CDH10: variants seen among roughly 807,000 people sequenced by gnomAD.
CDH10 encodes the protein cadherin 10.
Under a neutral mutation model 73.1 loss-of-function variants are expected in CDH10, and 30 were observed. The observed-to-expected ratio is 0.41, with a 90% CI of 0.31 to 0.56. The LOEUF (loss-of-function observed/expected upper bound fraction) is 0.56. Among genes scored for constraint, CDH10 ranks in the 20% least tolerant of loss-of-function variants. The pLI is 0.27. For synonymous variants in CDH10, 345 were observed against 348.2 expected (o/e 0.99, Z 0.10); for missense variants, 815 against 973.7 (o/e 0.84, Z 2.17).
At chr5:24,534,756 C>G (rs1486401073) in intron 5 of CDH10, among the ~76,000 whole-genome samples, 1 of 152,016 alleles carries the variant, frequency 6.6e-6, no homozygotes, top group Non-Finnish European at 1.5e-5. Context: ...GAAACAGAAA[C>G]AAACATATTT....
intron 2 of CDH10, among the ~76,000 whole-genome samples, chr5:24,540,675 T>C (rs1744120103): frequency 6.6e-6 from 1 of 151,928 alleles, no homozygotes; most frequent in African/African-American, 2.4e-5. Context: ...TACAGTTTGA[T>C]CCTAAGACGA....
chr5:24,612,191 T>A (rs1241086979), intron 1 of CDH10: 1 of 152,196 alleles, frequency 6.6e-6, no homozygotes, highest in Non-Finnish European at 1.5e-5. Context: ...GATATCTTTT[T>A]CTTTTAATAA....
chr5:24,555,542 G>C (rs1041256986), intron 2 of CDH10, among the ~76,000 whole-genome samples: 1 of 152,062 alleles, frequency 6.6e-6, no homozygotes, highest in Non-Finnish European at 1.5e-5. Context: ...CGTTCATGGG[G>C]GTGATGTGGC....
chr5:24,600,555 A>G (rs1468826662), intron 1 of CDH10, among the ~76,000 whole-genome samples: 1 of 152,052 alleles, frequency 6.6e-6, no homozygotes, highest in Non-Finnish European at 1.5e-5. Flanking sequence ...GGAGGAAACC[A>G]CATCCTACCT....
intron 7 of CDH10, 49 bp from the exon 8 acceptor site, chr5:24,505,297 T>C: frequency 6.5e-7 from 1 of 1,546,216 alleles, no homozygotes; most frequent in Non-Finnish European, 8.9e-7. Flanking sequence ...ATTAATAGTT[T>C]GCAGGAAAAA....
intron 2 of CDH10, among the ~76,000 whole-genome samples, chr5:24,553,639 T>C (rs1297963424): frequency 6.6e-6 from 1 of 152,178 alleles, no homozygotes; most frequent in East Asian, 1.9e-4. Context: ...ATTATATATG[T>C]AGCATCTAAT....
chr5:24,584,221 C>G (rs1257932499), intron 2 of CDH10, among the ~76,000 whole-genome samples: 1 of 151,880 alleles, frequency 6.6e-6, no homozygotes, highest in Non-Finnish European at 1.5e-5. Flanking sequence ...TAACTGTACC[C>G]CCAAAATTGT....
At chr5:24,631,385 T>C (rs933668599) in intron 1 of CDH10, among the ~76,000 whole-genome samples, 1 of 151,954 alleles carries the variant, frequency 6.6e-6, no homozygotes, top group African/African-American at 2.4e-5. Context: ...TTCTTTATAA[T>C]GAAAAATCAG....
chr5:24,544,017 C>T (rs1351162049), intron 2 of CDH10, among the ~76,000 whole-genome samples: 3 of 152,172 alleles, frequency 2.0e-5, no homozygotes, highest in Admixed American at 6.6e-5. Flanking sequence ...AGTGGAAGGC[C>T]GGGTGTGGTG....
intron 2 of CDH10, among the ~76,000 whole-genome samples, chr5:24,574,374 T>C (rs891359717): frequency 5.3e-5 from 8 of 152,146 alleles, no homozygotes; most frequent in African/African-American, 1.9e-4. Context: ...ATTGTCTGGT[T>C]GGTTCTCAGT....
chr5:24,608,330 G>C (rs1746830498), intron 1 of CDH10, among the ~76,000 whole-genome samples: 1 of 152,006 alleles, frequency 6.6e-6, no homozygotes, highest in South Asian at 2.1e-4. Context: ...GTCTCACTCT[G>C]TCACCAAGCT....
At chr5:24,620,886 G>A (rs1452848753) in intron 1 of CDH10, among the ~76,000 whole-genome samples, 2 of 152,022 alleles carry the variant, frequency 1.3e-5, no homozygotes, top group African/African-American at 2.4e-5. Context: ...GACTAGCTCT[G>A]GACAGCTTGT....
At chr5:24,593,238 T>G (rs1746259274) in intron 2 of CDH10, 22 bp downstream of exon 2, 1 of 1,300,888 alleles carries the variant, frequency 7.7e-7, no homozygotes, top group Non-Finnish European at 1.1e-6. Context: ...TATAAACACG[T>G]GCCATTTTAA....
In CDH10 at chr5:24,537,692, G is replaced by C. The variant is rs1229678817; in HGVS notation, c.232-18C>G. 6.7e-7 allele frequency: 1 copy of C among 1,501,480 alleles called. No homozygotes were observed. The allele number at this position is 1,501,480 out of a possible 1,614,324, so 93.0% of individuals were successfully genotyped here. ...GAATGTAGCTAGGGGAAATAAAAAA[G>C]AGTATATCCATGATCATGTATAAAG... On this transcript the variant is annotated intron_variant, in intron 2 of 11. Coordinates refer to ENST00000264463, the MANE Select transcript of CDH10 (RefSeq NM_006727.5).
At chr5:24,528,071 C>A (rs1561142315) in intron 5 of CDH10, among the ~76,000 whole-genome samples, 1 of 151,800 alleles carries the variant, frequency 6.6e-6, no homozygotes, top group Admixed American at 6.6e-5. Context: ...AACATAATTT[C>A]TTTGTAACTC....
chr5:24,587,739 T>C (rs1329739363), intron 2 of CDH10, among the ~76,000 whole-genome samples: 2 of 151,142 alleles, frequency 1.3e-5, no homozygotes, highest in Non-Finnish European at 3.0e-5. Context: ...GATATAAATG[T>C]TTTATTTTAC....
chr5:24,562,214 T>C (rs1031127525), intron 2 of CDH10, among the ~76,000 whole-genome samples: 7 of 152,088 alleles, frequency 4.6e-5, no homozygotes, highest in Non-Finnish European at 8.8e-5. Flanking sequence ...ATATTCACAA[T>C]TTCTGTCACC....
chr5:24,595,733 G>A (rs1190400156), intron 1 of CDH10, among the ~76,000 whole-genome samples: 1 of 151,906 alleles, frequency 6.6e-6, no homozygotes, highest in African/African-American at 2.4e-5. Flanking sequence ...TGAAGAAACA[G>A]TCATTCTCAT....
intron 2 of CDH10, among the ~76,000 whole-genome samples, chr5:24,538,692 G>A (rs1192372746): frequency 1.3e-5 from 2 of 151,988 alleles, no homozygotes. Context: ...ACTTAAAGAA[G>A]AGCCTCTTCT....
Sources: allele counts gnomAD v4.1 joint callset (sites outside exome capture counted in the v4.1 genomes callset), GRCh38; gene constraint gnomAD v4.1.1; transcripts MANE v1.5; gene names NCBI Gene and HGNC (gene_info 2026-07-23, HGNC 2026-07-21).